The following NRG1 variants were observed in gnomAD, a reference collection of about 807,000 sequenced individuals.
NRG1 encodes pro-neuregulin-1, membrane-bound isoform.
In NRG1, 18 loss-of-function variants were observed where a neutral mutation model predicts 63.8. The observed-to-expected ratio is 0.28, with a 90% CI of 0.19 to 0.42. The LOEUF is 0.42. NRG1 is among the 10% of genes least tolerant of loss of function. The pLI is 1.00. For missense variants in NRG1, 762 were observed against 814.7 expected (o/e 0.94, Z 0.79); for synonymous variants, 302 against 301.3 (o/e 1.00, Z -0.02).
At chr8:31,882,615 A>C (rs1444181938) in intron 1 of NRG1, among the ~76,000 whole-genome samples, 1 of 152,152 alleles carries the variant, frequency 6.6e-6, no homozygotes, top group Non-Finnish European at 1.5e-5. Context: ...GAGAGGATTC[A>C]TCATTGTAGA....
At chr8:31,771,408 T>C (rs1586290102) in intron 1 of NRG1, among the ~76,000 whole-genome samples, 1 of 152,276 alleles carries the variant, frequency 6.6e-6, no homozygotes, top group East Asian at 1.9e-4. Context: ...TTTCCCCCAA[T>C]TTGGGGCTAT....
intron 1 of NRG1, among the ~76,000 whole-genome samples, chr8:32,242,854 A>T (rs979285034): frequency 2.0e-5 from 3 of 152,184 alleles, no homozygotes; most frequent in African/African-American, 7.2e-5. Flanking sequence ...ATATTGCTCA[A>T]GGTTATCCAG....
rs140945371 is a variant in NRG1 at position 32,659,040 on chromosome 8, C to T, written c.502+42155C>T. Among the ~76,000 whole-genome samples the T allele has an allele frequency of 5.3e-3, 799 of 152,128 alleles. 8 individuals carry two copies. Among genetic ancestry groups the T allele is most frequent in the African/African-American group, 0.018 (758 of 41,512 alleles). On this transcript the variant is annotated intron_variant, in intron 5 of 11. Transcript: ENST00000356819. Reference sequence around the variant, plus strand: ...GTTCTGATGGTCCTTGGATTTATAGCGCAGATTTAGGGGAGCTGAGTTTAA... The same window carrying T: ...GTTCTGATGGTCCTTGGATTTATAGTGCAGATTTAGGGGAGCTGAGTTTAA...
intron 1 of NRG1, among the ~76,000 whole-genome samples, chr8:31,904,515 C>T (rs1387217078): frequency 6.6e-6 from 1 of 152,166 alleles, no homozygotes; most frequent in African/African-American, 2.4e-5. Flanking sequence ...ACCTGGCAAT[C>T]CTATTATTAG....
intron 1 of NRG1, among the ~76,000 whole-genome samples, chr8:31,670,132 C>G (rs1806971112): frequency 6.6e-6 from 1 of 152,160 alleles, no homozygotes; most frequent in South Asian, 2.1e-4. Context: ...TTCCTACCAC[C>G]TTCCCCCAGC....
intron 1 of NRG1, among the ~76,000 whole-genome samples, chr8:31,876,476 A>G (rs879837600): frequency 2.0e-5 from 3 of 152,182 alleles, no homozygotes; most frequent in Non-Finnish European, 4.4e-5. Context: ...CACATTTAGA[A>G]TATTCAATAT....
intron 1 of NRG1, among the ~76,000 whole-genome samples, chr8:31,909,095 C>T (rs776397): frequency 0.45 from 67,738 of 151,906 alleles, 15,522 homozygotes; most frequent in East Asian, 0.69. Flanking sequence ...TAGTAAAAAG[C>T]TACACTTTGT....
At chr8:32,180,961 G>T (rs940829265) in intron 1 of NRG1, among the ~76,000 whole-genome samples, 3 of 152,030 alleles carry the variant, frequency 2.0e-5, no homozygotes, top group Non-Finnish European at 4.4e-5. Context: ...GCTTCTATGA[G>T]TTCAACTTTC....
At chr8:31,912,410 G>C (rs1172188537) in intron 1 of NRG1, among the ~76,000 whole-genome samples, 2 of 151,960 alleles carry the variant, frequency 1.3e-5, no homozygotes, top group Non-Finnish European at 2.9e-5. Flanking sequence ...TGGCAGTGTG[G>C]GGACCCTGGA....
intron 1 of NRG1, among the ~76,000 whole-genome samples, chr8:32,556,260 G>A (rs1424213042): frequency 2.6e-5 from 4 of 152,124 alleles, no homozygotes; most frequent in Non-Finnish European, 4.4e-5. Flanking sequence ...TAATTAAATA[G>A]GATTGAAGTA....
chr8:32,583,834 A>G (rs1358583125), intron 1 of NRG1, among the ~76,000 whole-genome samples: 4 of 152,262 alleles, frequency 2.6e-5, no homozygotes, highest in Non-Finnish European at 5.9e-5. Flanking sequence ...AATCCAAGTA[A>G]GGTCTCCAGT....
At chr8:32,130,407 A>C (rs1246820685) in intron 1 of NRG1, among the ~76,000 whole-genome samples, 1 of 151,942 alleles carries the variant, frequency 6.6e-6, no homozygotes, top group African/African-American at 2.4e-5. Context: ...ATAGAGATTT[A>C]TTTTTATTAT....
At position 32,181,054 on chromosome 8, in the gene NRG1, T is replaced by G. The variant is rs1473696880; in HGVS notation, c.38-414774T>G. Among the ~76,000 whole-genome samples, 5 of 152,356 alleles carry G rather than the reference T, an allele frequency of 3.3e-5. No homozygotes were observed. In the East Asian group the frequency reaches 5.8e-4, roughly 18 times the overall value. On this transcript the variant is annotated intron_variant, in intron 1 of 10. Coordinates refer to the NRG1 transcript ENST00000519301. ...TCACTTAATGTAATGGTGCTGTTCA[T>G]ATTACTGTGGTTTTGGTGCCTACAT...
At chr8:32,737,405 G>C (rs964325303) in intron 6 of NRG1, among the ~76,000 whole-genome samples, 4 of 151,974 alleles carry the variant, frequency 2.6e-5, no homozygotes, top group African/African-American at 9.7e-5. Flanking sequence ...ACAAAAATTA[G>C]CTGGGCATGG....
intron 1 of NRG1, among the ~76,000 whole-genome samples, chr8:32,554,915 T>TC (rs1834822024): frequency 1.4e-5 from 2 of 147,116 alleles, no homozygotes; most frequent in East Asian, 2.0e-4. Flanking sequence ...TGCTTTTTTC[T>TC]TCTCTCTCTC....
At chr8:32,764,918 T>G (rs575210466) in exon 12 of NRG1, 64 of 152,668 alleles carry the variant, frequency 4.2e-4, no homozygotes, top group African/African-American at 1.5e-3. Context: ...GCCAAAGGTT[T>G]GCCTCATTGG....
intron 1 of NRG1, among the ~76,000 whole-genome samples, chr8:31,832,246 C>G (rs1337155874): frequency 1.5e-5 from 2 of 131,648 alleles, no homozygotes; most frequent in East Asian, 2.8e-4. Flanking sequence ...ATTAAATGCT[C>G]TAGTTTTTTT....
intron 1 of NRG1, among the ~76,000 whole-genome samples, chr8:31,942,922 G>T (rs1469544154): frequency 6.7e-6 from 1 of 149,890 alleles, no homozygotes; most frequent in African/African-American, 2.5e-5. Context: ...TGGATGCAAT[G>T]AAAAGGGAAC....
At chr8:32,608,092 G>GTTTTTTTTTGTTTTTTTTTTTT (rs1845600747) in intron 3 of NRG1, among the ~76,000 whole-genome samples, 4 of 106,154 alleles carry the variant, frequency 3.8e-5, no homozygotes, top group African/African-American at 1.0e-4. Flanking sequence ...GGTTTTTTTT[G>GTTTTTTTTTGTTTTTTTTTTTT]TTTTTTTTTT....
Sources: allele counts gnomAD v4.1 joint callset (sites outside exome capture counted in the v4.1 genomes callset), GRCh38; gene constraint gnomAD v4.1.1; transcripts MANE v1.5; gene names NCBI Gene and HGNC (gene_info 2026-07-23, HGNC 2026-07-21).